The following VWA3B variants were observed in gnomAD, a reference collection of about 807,000 sequenced individuals.
VWA3B encodes the protein von Willebrand factor A domain containing 3B.
VWA3B carries 138 observed loss-of-function variants against 158.3 expected under a neutral mutation model. The observed-to-expected ratio is 0.87, with a 90% CI of 0.76 to 1.00. VWA3B has a LOEUF of 1.00. VWA3B is among the 50% of genes least tolerant of loss of function. The pLI, the probability that VWA3B is intolerant of heterozygous loss-of-function variation, is 0.00. For missense variants in VWA3B, 1,555 were observed against 1,565.1 expected (o/e 0.99, Z 0.11); for synonymous variants, 596 against 587.3 (o/e 1.01, Z -0.21).
intron 12 of VWA3B, 124 bp from the exon 13 acceptor site, chr2:98,211,806 T>A: frequency 2.6e-6 from 2 of 766,252 alleles, no homozygotes; most frequent in Non-Finnish European, 4.2e-6. Context: ...ATTATCTCAA[T>A]GTAATTATTT....
chr2:98,262,468 C>T (rs1270584891), intron 21 of VWA3B, among the ~76,000 whole-genome samples: 1 of 151,742 alleles, frequency 6.6e-6, no homozygotes, highest in Non-Finnish European at 1.5e-5. Flanking sequence ...AAGAGTCCAA[C>T]TTCATTCTTT....
At chr2:98,128,544 T>C in intron 6 of VWA3B, 136 bp downstream of exon 6, 1 of 856,506 alleles carries the variant, frequency 1.2e-6, no homozygotes, top group East Asian at 2.7e-5. Flanking sequence ...TTATTTAGTC[T>C]CTCTGCATCT....
At chr2:98,098,687 T>G (rs1398227720) in intron 2 of VWA3B, among the ~76,000 whole-genome samples, 1 of 152,086 alleles carries the variant, frequency 6.6e-6, no homozygotes. Flanking sequence ...GATTGAAAAT[T>G]TAGTCCTTGA....
At position 98,138,901 on chromosome 2, in the gene VWA3B, G is replaced by A. The variant is rs568811594; in HGVS notation, c.988+4962G>A. On this transcript the variant is annotated intron_variant, in intron 7 of 27. Transcript: ENST00000477737. ...CCTCTGCCTGGGCTCCCACTTTGGC[G>A]GCACTTGAGGAGTCCTTCAGTCCGC... Among the ~76,000 whole-genome samples, 6 of 152,380 alleles carry A rather than the reference G, an allele frequency of 3.9e-5. 1 individual carries two copies. Among genetic ancestry groups the A allele is most frequent in the African/African-American group, 1.2e-4 (5 of 41,598 alleles).
At chr2:98,114,905 A>G (rs1204285162) in intron 2 of VWA3B, among the ~76,000 whole-genome samples, 1 of 152,240 alleles carries the variant, frequency 6.6e-6, no homozygotes, top group Non-Finnish European at 1.5e-5. Flanking sequence ...ATATTTGAAT[A>G]GCTGAGCATA....
intron 7 of VWA3B, among the ~76,000 whole-genome samples, chr2:98,142,742 T>C (rs1676878762): frequency 6.6e-6 from 1 of 152,222 alleles, no homozygotes; most frequent in South Asian, 2.1e-4. Flanking sequence ...TTAGTTACTC[T>C]GTTTTTTGAT....
intron 19 of VWA3B, among the ~76,000 whole-genome samples, chr2:98,238,037 G>GT (rs1368661260): frequency 2.6e-5 from 4 of 152,252 alleles, no homozygotes; most frequent in South Asian, 2.1e-4. Context: ...GCAGGAGAAA[G>GT]TTTTTTTAAA....
At chr2:98,292,693 G>A (rs1013274677) in intron 23 of VWA3B, among the ~76,000 whole-genome samples, 3 of 152,178 alleles carry the variant, frequency 2.0e-5, no homozygotes, top group South Asian at 2.1e-4. Flanking sequence ...GGCCAGGTGC[G>A]GTGGCTCACA....
intron 25 of VWA3B, among the ~76,000 whole-genome samples, chr2:98,303,397 TAGAA>T (rs57850144): frequency 0.33 from 48,871 of 149,870 alleles, 8,489 homozygotes; most frequent in Non-Finnish European, 0.4. Flanking sequence ...GAAATAAAGA[TAGAA>T]AGGAAGGTGG....
At chr2:98,292,890 G>A (rs1465165669) in intron 23 of VWA3B, among the ~76,000 whole-genome samples, 1 of 151,968 alleles carries the variant, frequency 6.6e-6, no homozygotes, top group Admixed American at 6.6e-5. Flanking sequence ...CTTGAACCCA[G>A]AAGACAGAGG....
At chr2:98,248,033 G>A (rs746293210) in intron 19 of VWA3B, among the ~76,000 whole-genome samples, 2 of 151,840 alleles carry the variant, frequency 1.3e-5, no homozygotes, top group Non-Finnish European at 1.5e-5. Context: ...ATTTTGTGTA[G>A]CCTAGAATTT....
intron 2 of VWA3B, among the ~76,000 whole-genome samples, chr2:98,104,481 C>T (rs1683295210): frequency 6.6e-6 from 1 of 152,108 alleles, no homozygotes; most frequent in Non-Finnish European, 1.5e-5. Context: ...TTGAGAACTC[C>T]CTCATTCCCA....
chr2:98,142,979 A>C (rs1676896750), intron 7 of VWA3B, among the ~76,000 whole-genome samples: 1 of 152,204 alleles, frequency 6.6e-6, no homozygotes, highest in South Asian at 2.1e-4. Flanking sequence ...TCACGTTAAC[A>C]ATTTTAAATT....
chr2:98,311,873 G>A lies in VWA3B; in HGVS notation c.3576G>A (p.Ala1192=), dbSNP rs757276333. ...SAFLFWPLKE[A]DTQDSREPRR... ...TCCTCTTCTGGCCACTGAAAGAAGC[G>A]GACACGCAGGATTCCAGAGAGCCAA... Residue 1192 remains alanine (A), a synonymous_variant, in exon 27 of 28, where the codon GCG becomes GCA. Coordinates refer to ENST00000477737, the MANE Select transcript of VWA3B (RefSeq NM_144992.5). 2.7e-5 allele frequency: 44 copies of A among 1,612,324 alleles called. No homozygotes were observed. Among genetic ancestry groups the A allele is most frequent in the Admixed American group, 6.7e-5 (4 of 59,774 alleles).
intron 8 of VWA3B, among the ~76,000 whole-genome samples, chr2:98,163,985 A>T (rs758980071): frequency 6.6e-6 from 1 of 152,226 alleles, no homozygotes; most frequent in Non-Finnish European, 1.5e-5. Context: ...AAGGCTGGGC[A>T]AGGGGAGACT....
rs1244938273 is a variant in VWA3B, at chr2:98,303,692, A to G, written c.3421-10A>G. 1 of 1,612,528 alleles carries G rather than the reference A, an allele frequency of 6.2e-7. No individual in the cohort carries two copies. The highest frequency in any genetic ancestry group is 2.2e-5 in the East Asian group (1 of 44,870). Reference sequence around the variant, plus strand: ...TTTAAGTTGAGTGAACTCTGTTGGTATTATTACAGGAATTTTGCCCTCGGA... The same window carrying G: ...TTTAAGTTGAGTGAACTCTGTTGGTGTTATTACAGGAATTTTGCCCTCGGA... On this transcript the variant is annotated splice_polypyrimidine_tract_variant and intron_variant, in intron 25 of 27. Coordinates refer to ENST00000477737, the MANE Select transcript of VWA3B (RefSeq NM_144992.5).
At chr2:98,240,196 TA>T (rs1685983891) in intron 19 of VWA3B, among the ~76,000 whole-genome samples, 1 of 152,168 alleles carries the variant, frequency 6.6e-6, no homozygotes, top group East Asian at 1.9e-4. Flanking sequence ...ATAACGTATT[TA>T]TACAGAGACA....
At chr2:98,136,902 T>TA (rs1336175218) in intron 7 of VWA3B, among the ~76,000 whole-genome samples, 1 of 152,236 alleles carries the variant, frequency 6.6e-6, no homozygotes, top group Non-Finnish European at 1.5e-5. Context: ...AATTATACAG[T>TA]ATTTGTCCTT....
At chr2:98,254,699 C>T (rs1230104188) in intron 20 of VWA3B, among the ~76,000 whole-genome samples, 1 of 152,190 alleles carries the variant, frequency 6.6e-6, no homozygotes, top group Non-Finnish European at 1.5e-5. Context: ...TGGAGCGGTA[C>T]TACTATCCCC....
Sources: allele counts gnomAD v4.1 joint callset (sites outside exome capture counted in the v4.1 genomes callset), GRCh38; gene constraint gnomAD v4.1.1; transcripts MANE v1.5; gene names NCBI Gene and HGNC (gene_info 2026-07-23, HGNC 2026-07-21).